The following GAREM1 variants were observed in gnomAD, a reference collection of about 807,000 sequenced individuals.
GAREM1 encodes GRB2-associated and regulator of MAPK protein 1.
Under a neutral mutation model 71.3 loss-of-function variants are expected in GAREM1, and 26 were observed. That is an observed-to-expected ratio of 0.36 (90% confidence interval 0.27 to 0.51). GAREM1 has a LOEUF of 0.51. Among genes scored for constraint, GAREM1 ranks in the 20% least tolerant of loss-of-function variants. The probability of loss-of-function intolerance (pLI) is 0.95; values close to 1 mark genes in which losing one functional copy is unlikely to be tolerated. For missense variants in GAREM1, 1,026 were observed against 1,103.1 expected, an observed-to-expected ratio of 0.93 and a Z score of 0.99; for synonymous variants, 440 against 433.2, an observed-to-expected ratio of 1.02 and a Z score of -0.20.
intron 1 of GAREM1, among the ~76,000 whole-genome samples, chr18:32,419,697 C>T (rs1367749048): frequency 6.6e-6 from 1 of 152,130 alleles, no homozygotes; most frequent in Non-Finnish European, 1.5e-5. Context: ...AAATTTAAAT[C>T]CCCCTTTGCC....
intron 2 of GAREM1, among the ~76,000 whole-genome samples, chr18:32,352,036 TC>T (rs2047758387): frequency 6.6e-5 from 10 of 152,066 alleles, no homozygotes; most frequent in African/African-American, 2.2e-4. Flanking sequence ...AGCCAAAAAT[TC>T]TCAGTGTTAA....
intron 2 of GAREM1, among the ~76,000 whole-genome samples, chr18:32,330,052 C>T (rs2047516498): frequency 6.6e-6 from 1 of 152,100 alleles, no homozygotes; most frequent in Non-Finnish European, 1.5e-5. Flanking sequence ...AAGATGCCTG[C>T]ACTCATATGT....
At chr18:32,300,886 ACAAGAGTGAAACTCCG>A (rs2047193679) in intron 3 of GAREM1, among the ~76,000 whole-genome samples, 1 of 148,202 alleles carries the variant, frequency 6.7e-6, no homozygotes, top group Admixed American at 6.7e-5. Context: ...AGCCCGGGCA[ACAAGAGTGAAACTCCG>A]TCTCAAAAAA....
chr18:32,432,079 G>C (rs2144259069), intron 1 of GAREM1, among the ~76,000 whole-genome samples: 1 of 152,204 alleles, frequency 6.6e-6, no homozygotes, highest in South Asian at 2.1e-4. Flanking sequence ...TTCAAACAGA[G>C]AGAAATGGCA....
intron 3 of GAREM1, among the ~76,000 whole-genome samples, chr18:32,297,796 T>C (rs2047157634): frequency 6.6e-6 from 1 of 152,190 alleles, no homozygotes; most frequent in Non-Finnish European, 1.5e-5. Context: ...TATTAGAACT[T>C]TGTGAAAAAC....
chr18:32,383,921 C>G (rs912577244), intron 2 of GAREM1, among the ~76,000 whole-genome samples: 8 of 152,054 alleles, frequency 5.3e-5, no homozygotes, highest in African/African-American at 1.9e-4. Context: ...TCAAAGGACT[C>G]TAAAATTTTT....
At chr18:32,324,500 AC>A (rs1303986978) in intron 2 of GAREM1, among the ~76,000 whole-genome samples, 1 of 152,162 alleles carries the variant, frequency 6.6e-6, no homozygotes, top group Non-Finnish European at 1.5e-5. Flanking sequence ...TTAGTTTTTA[AC>A]CTGTGTGCCA....
intron 1 of GAREM1, among the ~76,000 whole-genome samples, chr18:32,440,948 G>A (rs1284693600): frequency 6.6e-6 from 1 of 152,148 alleles, no homozygotes; most frequent in East Asian, 1.9e-4. Flanking sequence ...GTCTCAAAGA[G>A]TTTATCAAGT....
intron 3 of GAREM1, among the ~76,000 whole-genome samples, chr18:32,306,814 T>C (rs1033297932): frequency 1.3e-5 from 2 of 152,210 alleles, no homozygotes; most frequent in African/African-American, 4.8e-5. Flanking sequence ...TATTTACTAT[T>C]TACCCCCAGT....
intron 2 of GAREM1, among the ~76,000 whole-genome samples, chr18:32,335,116 A>C (rs1308645212): frequency 6.6e-6 from 1 of 152,234 alleles, no homozygotes; most frequent in Non-Finnish European, 1.5e-5. Flanking sequence ...GCTGATTTCC[A>C]ATAAAAGAAC....
chr18:32,270,505 C>T lies in GAREM1; in HGVS notation c.1567-122G>A, dbSNP rs74543849. 1,499 of 760,680 alleles carry T rather than the reference C, an allele frequency of 2.0e-3. 32 individuals are homozygous for T. In the East Asian group the frequency reaches 0.036, roughly 18 times the overall value. 47.1% of individuals were successfully genotyped at this position (760,680 alleles called of 1,614,324 possible). On this transcript the variant is annotated intron_variant, in intron 4 of 5. Coordinates refer to ENST00000269209, the MANE Select transcript of GAREM1 (RefSeq NM_001242409.2). The stretch of plus-strand genomic sequence containing the variant: ...CCGTAACAGCAGGGTGTAAGCATGG[C>T]AGAGAGAAGATTGAAGTAAACAAGA...
intron 1 of GAREM1, among the ~76,000 whole-genome samples, chr18:32,467,481 A>T (rs186235326): frequency 6.6e-6 from 1 of 152,336 alleles, no homozygotes; most frequent in Non-Finnish European, 1.5e-5. Context: ...GTCTTCAGGC[A>T]AGTCAATTTT....
intron 1 of GAREM1, among the ~76,000 whole-genome samples, chr18:32,438,527 G>A (rs1349873212): frequency 1.3e-5 from 2 of 152,194 alleles, no homozygotes; most frequent in Non-Finnish European, 2.9e-5. Context: ...AGGGGTTAGC[G>A]ACAATGACAG....
In GAREM1 at chr18:32,359,960, T is replaced by C. The variant is rs117782224; in HGVS notation, c.262+32935A>G. On this transcript the variant is annotated intron_variant, in intron 2 of 5. Transcript: ENST00000269209. ...AATAAATAAATAAATAAATAAAAAA[T>C]TGAATAAATAAAAAGAATCACCTCT... 1.4e-3 allele frequency among the ~76,000 whole-genome samples: 202 copies of C among 149,456 alleles called. 6 individuals are homozygous for C. The East Asian group carries it at 0.037, about 27-fold the overall frequency.
At chr18:32,282,439 CAGAT>C (rs1384259223) in intron 4 of GAREM1, among the ~76,000 whole-genome samples, 1 of 152,054 alleles carries the variant, frequency 6.6e-6, no homozygotes, top group Admixed American at 6.6e-5. Flanking sequence ...AAAAAGAAGA[CAGAT>C]GGAGAACACT....
chr18:32,406,481 A>C (rs1242121582), intron 1 of GAREM1, among the ~76,000 whole-genome samples: 2 of 152,218 alleles, frequency 1.3e-5, no homozygotes, highest in African/African-American at 4.8e-5. Flanking sequence ...ATGAGTAAAG[A>C]AACGGTGTGT....
intron 2 of GAREM1, among the ~76,000 whole-genome samples, chr18:32,367,827 G>A (rs972867831): frequency 2.0e-5 from 3 of 152,058 alleles, no homozygotes; most frequent in South Asian, 2.1e-4. Flanking sequence ...GTCTGCCTAC[G>A]GGAGCCAGGT....
chr18:32,465,412 G>C (rs1387234184), intron 1 of GAREM1, among the ~76,000 whole-genome samples: 2 of 152,138 alleles, frequency 1.3e-5, no homozygotes, highest in Non-Finnish European at 2.9e-5. Context: ...CTAGAGGCCA[G>C]TAAATGATAA....
intron 2 of GAREM1, among the ~76,000 whole-genome samples, chr18:32,371,671 A>C (rs2047981577): frequency 6.6e-6 from 1 of 152,046 alleles, no homozygotes; most frequent in Non-Finnish European, 1.5e-5. Flanking sequence ...TCCTACAGAC[A>C]TATCCCAGGA....
Sources: allele counts gnomAD v4.1 joint callset (sites outside exome capture counted in the v4.1 genomes callset), GRCh38; gene constraint gnomAD v4.1.1; transcripts MANE v1.5; gene names NCBI Gene and HGNC (gene_info 2026-07-23, HGNC 2026-07-21).